Variants in MME observed in about 807,000 individuals in gnomAD.
The protein encoded by MME is membrane metalloendopeptidase, also known as neprilysin.
A neutral mutation model predicts 113.2 loss-of-function variants in MME; 98 were observed. That is an observed-to-expected ratio of 0.87 (90% CI 0.74 to 1.02). The LOEUF (loss-of-function observed/expected upper bound fraction) is 1.02. Among genes scored for constraint, MME ranks in the 50% least tolerant of loss-of-function variants. MME has a pLI of 0.00. For missense variants in MME, 836 were observed against 896.0 expected, an observed-to-expected ratio of 0.93 and a Z score of 0.86; for synonymous variants, 292 against 300.6, an observed-to-expected ratio of 0.97 and a Z score of 0.30.
At chr3:155,032,084 G>A (rs1249823591) in intron 1 of MME, among the ~76,000 whole-genome samples, 3 of 152,148 alleles carry the variant, frequency 2.0e-5, no homozygotes, top group Non-Finnish European at 4.4e-5. Context: ...AGATATTGAT[G>A]TGAGGTAACA....
At chr3:155,129,188 A>G (rs1041955765) in intron 8 of MME, among the ~76,000 whole-genome samples, 19 of 152,300 alleles carry the variant, frequency 1.2e-4, no homozygotes, top group Middle Eastern at 3.4e-3. Flanking sequence ...GCTTTAGCCT[A>G]TAATTTTAAA....
intron 7 of MME, among the ~76,000 whole-genome samples, 187 bp from the exon 8 acceptor site, chr3:155,118,559 C>T (rs965971514): frequency 1.3e-5 from 2 of 152,092 alleles, no homozygotes; most frequent in East Asian, 1.9e-4. Flanking sequence ...TCTAACTGCC[C>T]GTTAGTATAA....
intron 16 of MME, among the ~76,000 whole-genome samples, chr3:155,149,950 G>A: frequency 6.6e-6 from 1 of 152,160 alleles, no homozygotes; most frequent in African/African-American, 2.4e-5. Flanking sequence ...AAGAAAGAGA[G>A]TGAATACACA....
At chr3:155,160,540 G>C in intron 17 of MME, 92 bp downstream of exon 17, 1 of 842,236 alleles carries the variant, frequency 1.2e-6, no homozygotes, top group African/African-American at 1.7e-5. Flanking sequence ...CTCTAAACAA[G>C]CACAGCTGAG....
chr3:155,119,452 A>C (rs1171255870), intron 8 of MME, among the ~76,000 whole-genome samples: 1 of 139,148 alleles, frequency 7.2e-6, no homozygotes, highest in African/African-American at 2.7e-5. Flanking sequence ...GTTTTAGGGT[A>C]CATGTGCACA....
chr3:155,140,401 C>T (rs988935109), intron 10 of MME, 109 bp downstream of exon 10: 26 of 456,548 alleles, frequency 5.7e-5, no homozygotes, highest in Non-Finnish European at 5.7e-5. Context: ...GTAAATGGGA[C>T]TTCAATTCCT....
chr3:155,168,724 T>G lies in MME; in HGVS notation c.1915-8T>G, dbSNP rs201922751. The G allele has an allele frequency of 1.2e-6, 2 of 1,613,066 alleles. No homozygotes were observed. The highest frequency in any genetic ancestry group is 1.7e-6 in the Non-Finnish European group (2 of 1,179,176). ...TTAACAATCCTAATAAAGTGTCTTTTTTAACAGCTTAATGGAATTAATACA... is the reference window on the plus strand; with the variant it reads ...TTAACAATCCTAATAAAGTGTCTTTGTTAACAGCTTAATGGAATTAATACA... On this transcript the variant is annotated splice_region_variant and splice_polypyrimidine_tract_variant and intron_variant, in intron 19 of 22. Transcript: ENST00000360490.
At chr3:155,166,774 G>A (rs571769013) in intron 17 of MME, 128 bp from the exon 18 acceptor site, 258 of 1,204,322 alleles carry the variant, frequency 2.1e-4, no homozygotes, top group East Asian at 3.5e-4. Context: ...TGCCATCACT[G>A]AATAATGCCA....
upstream of MME, among the ~76,000 whole-genome samples, chr3:155,074,685 G>C (rs1477549193): frequency 2.6e-5 from 4 of 152,104 alleles, no homozygotes; most frequent in Non-Finnish European, 5.9e-5. Context: ...TCCCGCCTCA[G>C]CTTCCCAAAG....
intron 3 of MME, among the ~76,000 whole-genome samples, 193 bp from the exon 4 acceptor site, chr3:155,114,801 C>G (rs930735728): frequency 4.6e-5 from 7 of 152,156 alleles, no homozygotes; most frequent in African/African-American, 1.7e-4. Context: ...TAAAACGAAC[C>G]AACTATAGTG....
At chr3:155,135,514 A>G (rs1720551996) in intron 8 of MME, among the ~76,000 whole-genome samples, 1 of 152,032 alleles carries the variant, frequency 6.6e-6, no homozygotes, top group Admixed American at 6.6e-5. Context: ...GTGTACCCAG[A>G]CCATGCTGTT....
In MME at chr3:155,166,966, T is replaced by G. The variant is rs1158029956; in HGVS notation, c.1725T>G (p.Tyr575Ter). ...CCCAGCAGTCCAACTCATTGAACTA[T>G]GGGGGCATCGGCATGGTCATAGGAC... ...FSAQQSNSLNYGGIGMVIGHE... is the reference protein window; with the variant it reads ...FSAQQSNSLN The change falls in exon 18 of 23, where the codon TAT becomes TAG. Residue 575 changes from tyrosine (Y) to a stop codon, truncating the protein, a stop_gained. Transcript: ENST00000360490. LOFTEE classifies it high-confidence loss of function. The G allele has an allele frequency of 3.7e-6, 6 of 1,613,594 alleles. No homozygotes were observed. The highest frequency in any genetic ancestry group is 2.7e-5 in the African/African-American group (2 of 74,898).
At chr3:155,118,615 G>T in intron 7 of MME, 131 bp from the exon 8 acceptor site, 1 of 674,854 alleles carries the variant, frequency 1.5e-6, no homozygotes. Context: ...GGTATTTATT[G>T]AGTGTCTGAT....
chr3:155,079,532 A>G (rs574009094), upstream of MME: 743 of 151,178 alleles, frequency 4.9e-3, 4 homozygotes, highest in Non-Finnish European at 8.0e-3. Context: ...GCCCCCTCAC[A>G]TGAAGTGACT....
chr3:155,100,437 C>A (rs901865828), intron 3 of MME, among the ~76,000 whole-genome samples: 3 of 152,184 alleles, frequency 2.0e-5, no homozygotes, highest in African/African-American at 4.8e-5. Context: ...AATAGGAACA[C>A]TTTTACACTG....
intron 1 of MME, among the ~76,000 whole-genome samples, chr3:155,072,772 A>G (rs773241613): frequency 6.6e-6 from 1 of 152,208 alleles, no homozygotes; most frequent in South Asian, 2.1e-4. Flanking sequence ...CTGAGACTGC[A>G]CCTAAAGGTA....
chr3:155,161,740 T>TATAA (rs1722739954), intron 17 of MME, among the ~76,000 whole-genome samples: 1 of 152,164 alleles, frequency 6.6e-6, no homozygotes. Context: ...TTGTATAACA[T>TATAA]ATAAATAATA....
At chr3:155,116,625 T>A in intron 5 of MME, 39 bp from the exon 6 acceptor site, 1 of 1,480,008 alleles carries the variant, frequency 6.8e-7, no homozygotes, top group Non-Finnish European at 9.4e-7. Flanking sequence ...AAACTATGCC[T>A]AGATTTCTAA....
intron 3 of MME, among the ~76,000 whole-genome samples, chr3:155,105,811 G>A (rs1346278406): frequency 5.3e-5 from 8 of 152,162 alleles, no homozygotes; most frequent in African/African-American, 1.7e-4. Context: ...GGCACTTGGC[G>A]TTTGACATAT....
Sources: allele counts gnomAD v4.1 joint callset (sites outside exome capture counted in the v4.1 genomes callset), GRCh38; gene constraint gnomAD v4.1.1; transcripts MANE v1.5; gene names NCBI Gene and HGNC (gene_info 2026-07-23, HGNC 2026-07-21).